USH2A: variants seen among roughly 807,000 people sequenced by gnomAD.
The protein encoded by USH2A is usherin, also known as Usher syndrome 2A (autosomal recessive, mild).
Under a neutral mutation model 538.9 loss-of-function variants are expected in USH2A, and 443 were observed. The observed-to-expected ratio is 0.82, with a 90% confidence interval of 0.76 to 0.89. The LOEUF (loss-of-function observed/expected upper bound fraction) is 0.89, where lower values mean the gene tolerates loss of function less well. USH2A is among the 40% of genes least tolerant of loss of function. The pLI is 0.00. For missense variants in USH2A, 6,633 were observed against 6,324.8 expected, an observed-to-expected ratio of 1.05 and a Z score of -1.65; for synonymous variants, 2,413 against 2,273.5, an observed-to-expected ratio of 1.06 and a Z score of -1.75.
intron 49 of USH2A, among the ~76,000 whole-genome samples, chr1:215,808,036 A>G (rs1404326920): frequency 6.6e-6 from 1 of 152,122 alleles, no homozygotes; most frequent in Non-Finnish European, 1.5e-5. Context: ...TGGGATATGG[A>G]GCCAGGCAGT....
At chr1:216,059,760 T>G (rs768310770) in intron 30 of USH2A, among the ~76,000 whole-genome samples, 2 of 152,146 alleles carry the variant, frequency 1.3e-5, no homozygotes, top group Non-Finnish European at 2.9e-5. Context: ...TTGTTTTATT[T>G]TACTGTTTTT....
chr1:215,811,704 C>T (rs1241540617), intron 49 of USH2A, among the ~76,000 whole-genome samples: 2 of 151,882 alleles, frequency 1.3e-5, no homozygotes, highest in African/African-American at 2.4e-5. Flanking sequence ...GTTGGGAGTT[C>T]GAGACCACCC....
At position 216,016,774 on chromosome 1, in the gene USH2A, T is replaced by C. The variant is rs180696805; in HGVS notation, c.6326-16212A>G. Among the ~76,000 whole-genome samples the C allele has an allele frequency of 3.4e-3, 512 of 151,330 alleles. 17 individuals are homozygous for C. Among genetic ancestry groups the C allele is most frequent in the Admixed American group, 0.031 (466 of 15,068 alleles). On this transcript the variant is annotated intron_variant, in intron 32 of 71. Coordinates refer to ENST00000307340, the MANE Select transcript of USH2A (RefSeq NM_206933.4). ...TGGCAAAAAAGAAAGGAGGACCTGGTGCCTCCAACACATTTGCAGCAGGTG... is the reference window on the plus strand; with the variant it reads ...TGGCAAAAAAGAAAGGAGGACCTGGCGCCTCCAACACATTTGCAGCAGGTG...
At chr1:215,778,416 G>A (rs988003488) in intron 55 of USH2A, among the ~76,000 whole-genome samples, 2 of 152,160 alleles carry the variant, frequency 1.3e-5, no homozygotes, top group Admixed American at 1.3e-4. Context: ...GCCAGGCCAA[G>A]AGTTGTATTA....
chr1:216,172,135 A>C (rs1386113361), intron 21 of USH2A, among the ~76,000 whole-genome samples: 1 of 152,052 alleles, frequency 6.6e-6, no homozygotes, highest in Non-Finnish European at 1.5e-5. Context: ...TTCTCTTTCT[A>C]TTGTGTAAGA....
chr1:215,713,973 A>G (rs921774713), intron 61 of USH2A, among the ~76,000 whole-genome samples: 1 of 152,194 alleles, frequency 6.6e-6, no homozygotes, highest in Admixed American at 6.5e-5. Flanking sequence ...CTGAGTTTCC[A>G]TTTCCTCATT....
chr1:215,859,967 C>T (rs1042220338), intron 44 of USH2A, among the ~76,000 whole-genome samples: 1 of 152,150 alleles, frequency 6.6e-6, no homozygotes, highest in Non-Finnish European at 1.5e-5. Flanking sequence ...TCATGAATGG[C>T]TTGGTGTCTT....
At chr1:216,338,009 T>G (rs1239918075) in intron 4 of USH2A, among the ~76,000 whole-genome samples, 1 of 151,098 alleles carries the variant, frequency 6.6e-6, no homozygotes, top group Non-Finnish European at 1.5e-5. Context: ...CTAAAAGACA[T>G]AAAAGAAGAT....
At chr1:215,780,523 C>T (rs772475936) in intron 54 of USH2A, among the ~76,000 whole-genome samples, 3 of 152,168 alleles carry the variant, frequency 2.0e-5, no homozygotes, top group Admixed American at 6.5e-5. Flanking sequence ...GTACTCTTCC[C>T]ATGATACCTA....
intron 44 of USH2A, among the ~76,000 whole-genome samples, chr1:215,863,569 G>T (rs1449162470): frequency 6.6e-6 from 1 of 152,098 alleles, no homozygotes; most frequent in Non-Finnish European, 1.5e-5. Context: ...CATACTTTAT[G>T]CATTTTCCAG....
Position 215,850,334 on chromosome 1 carries a change from A to C in USH2A, c.8846-4301T>G, listed in dbSNP as rs568585472. On this transcript the variant is annotated intron_variant, in intron 44 of 71. Transcript: ENST00000307340. Reference sequence around the variant, plus strand: ...AAAATATAGTCGGAAGATAAAAGCTATCTTCTGTAATCTGAAGGCAAAGAT... The same window carrying C: ...AAAATATAGTCGGAAGATAAAAGCTCTCTTCTGTAATCTGAAGGCAAAGAT... Among the ~76,000 whole-genome samples, 6 of 152,288 alleles carry C rather than the reference A, an allele frequency of 3.9e-5. No individual in the cohort carries two copies. In the South Asian group the frequency reaches 1.0e-3, roughly 26 times the overall value.
At position 216,054,193 on chromosome 1, in the gene USH2A, C is replaced by T. The variant is rs114190955; in HGVS notation, c.6050-5546G>A. On this transcript the variant is annotated intron_variant, in intron 30 of 71. Transcript: ENST00000307340. ...GATTTTGCAGACTGTTAGCTCCACT[C>T]GGCTATTTCTCTCACTATAGGAGAG... is the stretch of plus-strand genomic sequence containing the variant. Among the ~76,000 whole-genome samples the T allele has an allele frequency of 3.3e-5, 5 of 152,284 alleles. No homozygotes were observed. In the East Asian group the frequency reaches 5.8e-4, roughly 18 times the overall value.
intron 11 of USH2A, among the ~76,000 whole-genome samples, chr1:216,259,664 T>A (rs2036329430): frequency 6.6e-6 from 1 of 152,112 alleles, no homozygotes; most frequent in Non-Finnish European, 1.5e-5. Flanking sequence ...ATAATAAATT[T>A]ATTTTCTTGC....
chr1:216,134,855 G>C (rs540855496), intron 21 of USH2A, among the ~76,000 whole-genome samples: 1 of 152,100 alleles, frequency 6.6e-6, no homozygotes, highest in African/African-American at 2.4e-5. Flanking sequence ...AGAATCGATG[G>C]CAAGTAAAGA....
At chr1:216,072,657 T>C in intron 29 of USH2A, 1 of 560,332 alleles carries the variant, frequency 1.8e-6, no homozygotes, top group Non-Finnish European at 3.2e-6. Context: ...TTCTGCATCC[T>C]AAGAGGAAAG....
At chr1:215,929,872 C>G (rs1183923442) in intron 38 of USH2A, among the ~76,000 whole-genome samples, 1 of 151,890 alleles carries the variant, frequency 6.6e-6, no homozygotes, top group Non-Finnish European at 1.5e-5. Context: ...GTTTTACTTC[C>G]TAATGGTTTT....
intron 61 of USH2A, among the ~76,000 whole-genome samples, chr1:215,695,792 C>A (rs1239623462): frequency 6.6e-6 from 1 of 152,154 alleles, no homozygotes; most frequent in African/African-American, 2.4e-5. Context: ...CTCTCTATTG[C>A]CCAGGCTGGA....
chr1:216,255,286 T>C (rs2036238166), intron 11 of USH2A, among the ~76,000 whole-genome samples: 1 of 152,190 alleles, frequency 6.6e-6, no homozygotes, highest in African/African-American at 2.4e-5. Flanking sequence ...CTGGCTTGGG[T>C]CTTCCCTTCT....
chr1:215,769,401 T>C (rs1661218652), intron 55 of USH2A, among the ~76,000 whole-genome samples: 1 of 152,192 alleles, frequency 6.6e-6, no homozygotes, highest in African/African-American at 2.4e-5. Context: ...ATTAAGCGTA[T>C]TTGTAATGAG....
Sources: gnomAD v4.1 joint callset for allele counts (sites outside exome capture counted in the v4.1 genomes callset) on GRCh38, gnomAD v4.1.1 for gene constraint, MANE v1.5 for transcripts, NCBI Gene and HGNC (gene_info 2026-07-23, HGNC 2026-07-21) for gene names.